Variants in CCDC178 observed in about 807,000 individuals in gnomAD.
CCDC178 encodes the protein coiled-coil domain-containing protein 178.
In CCDC178, 126 loss-of-function variants were observed where a neutral mutation model predicts 117.4. That is an observed-to-expected ratio of 1.07 (90% confidence interval 0.93 to 1.24). The LOEUF is 1.24. CCDC178 is among the 50% of genes most tolerant of loss of function. CCDC178 has a pLI of 0.00. For synonymous variants in CCDC178, 283 were observed against 313.4 expected, an observed-to-expected ratio of 0.90 and a Z score of 1.02; for missense variants, 1,030 against 986.9, an observed-to-expected ratio of 1.04 and a Z score of -0.59.
intron 20 of CCDC178, among the ~76,000 whole-genome samples, chr18:33,185,711 A>C (rs2058783925): frequency 6.6e-6 from 1 of 152,104 alleles, no homozygotes; most frequent in Non-Finnish European, 1.5e-5. Flanking sequence ...GGAAGTTCTG[A>C]TTTGGTACCA....
intron 11 of CCDC178, among the ~76,000 whole-genome samples, chr18:33,313,712 T>C (rs989538807): frequency 3.9e-5 from 6 of 152,132 alleles, no homozygotes; most frequent in Non-Finnish European, 8.8e-5. Flanking sequence ...CTTGCTATGT[T>C]AATAACCTTA....
chr18:33,365,368 G>A (rs902237534), intron 6 of CCDC178, among the ~76,000 whole-genome samples: 2 of 152,038 alleles, frequency 1.3e-5, no homozygotes, highest in African/African-American at 2.4e-5. Context: ...TCAAGGACAC[G>A]ATGTCATGGC....
chr18:33,227,552 GTGTGTA>G (rs1486025668), intron 15 of CCDC178, among the ~76,000 whole-genome samples: 7 of 71,166 alleles, frequency 9.8e-5, no homozygotes, highest in African/African-American at 2.9e-4. Flanking sequence ...GTGTGTGTGT[GTGTGTA>G]TATATATATA....
intron 12 of CCDC178, among the ~76,000 whole-genome samples, chr18:33,282,952 C>G (rs991962936): frequency 6.6e-6 from 1 of 152,150 alleles, no homozygotes; most frequent in Non-Finnish European, 1.5e-5. Context: ...AGCACTCTGG[C>G]CCCAAGCCAA....
intron 20 of CCDC178, among the ~76,000 whole-genome samples, chr18:33,176,945 T>G (rs927463789): frequency 6.6e-6 from 1 of 152,204 alleles, no homozygotes; most frequent in African/African-American, 2.4e-5. Context: ...TTTTCAACAA[T>G]AAACCTCTTC....
intron 20 of CCDC178, among the ~76,000 whole-genome samples, chr18:33,123,289 T>C (rs1292612961): frequency 6.6e-6 from 1 of 152,148 alleles, no homozygotes; most frequent in Admixed American, 6.6e-5. Flanking sequence ...AGACAAGTAA[T>C]ACTTTACAGA....
intron 21 of CCDC178, among the ~76,000 whole-genome samples, chr18:33,007,128 T>C (rs1208054817): frequency 6.6e-6 from 1 of 152,082 alleles, no homozygotes; most frequent in Non-Finnish European, 1.5e-5. Flanking sequence ...TATTATAAAC[T>C]ACTTCGGTAT....
At chr18:33,370,935 C>G (rs2063288734) in intron 5 of CCDC178, among the ~76,000 whole-genome samples, 1 of 151,978 alleles carries the variant, frequency 6.6e-6, no homozygotes. Flanking sequence ...CCTTTTGACT[C>G]TAAGGACTCT....
At chr18:33,050,362 T>A (rs2056725782) in intron 21 of CCDC178, among the ~76,000 whole-genome samples, 1 of 152,220 alleles carries the variant, frequency 6.6e-6, no homozygotes, top group East Asian at 1.9e-4. Context: ...AAATAATTTT[T>A]CATTAGTCTT....
At chr18:33,316,270 G>C (rs571421483) in intron 11 of CCDC178, among the ~76,000 whole-genome samples, 1 of 152,326 alleles carries the variant, frequency 6.6e-6, no homozygotes, top group East Asian at 1.9e-4. Flanking sequence ...CGGTGCTTGC[G>C]GGATAGCGCG....
At chr18:33,244,249 C>T (rs550676741) in intron 15 of CCDC178, among the ~76,000 whole-genome samples, 159 of 150,910 alleles carry the variant, frequency 1.1e-3, no homozygotes, top group African/African-American at 3.5e-3. Context: ...TTTTTTTTTG[C>T]TCATAAGTCT....
At chr18:33,414,315 A>C (rs2063901878) in intron 2 of CCDC178, among the ~76,000 whole-genome samples, 2 of 152,212 alleles carry the variant, frequency 1.3e-5, no homozygotes, top group Admixed American at 1.3e-4. Context: ...GAATCAGTAA[A>C]GCAAATTTAG....
At chr18:33,247,586 G>C (rs1384818003) in intron 14 of CCDC178, among the ~76,000 whole-genome samples, 1 of 151,802 alleles carries the variant, frequency 6.6e-6, no homozygotes, top group Non-Finnish European at 1.5e-5. Flanking sequence ...GTGTGTGCAA[G>C]CACACACAAT....
intron 2 of CCDC178, among the ~76,000 whole-genome samples, chr18:33,431,980 A>G (rs2064225566): frequency 6.6e-6 from 1 of 152,186 alleles, no homozygotes. Flanking sequence ...AGGCTATGGT[A>G]GCAGCAAAGG....
At chr18:33,254,743 AAGG>A (rs2059659165) in intron 14 of CCDC178, among the ~76,000 whole-genome samples, 1 of 152,054 alleles carries the variant, frequency 6.6e-6, no homozygotes, top group African/African-American at 2.4e-5. Flanking sequence ...GAGCAGATGG[AAGG>A]AGAAGGAGGA....
intron 11 of CCDC178, among the ~76,000 whole-genome samples, chr18:33,300,681 G>A (rs1477095724): frequency 6.6e-6 from 1 of 152,292 alleles, no homozygotes; most frequent in East Asian, 1.9e-4. Context: ...GGGATCTGTG[G>A]AAGTTTGAAC....
chr18:33,064,667 G>T (rs902239556), intron 21 of CCDC178, among the ~76,000 whole-genome samples: 3 of 152,152 alleles, frequency 2.0e-5, no homozygotes, highest in Admixed American at 6.5e-5. Context: ...TGGTACTCAA[G>T]AAATTAAAAT....
At chr18:33,142,964 T>C (rs2058225430) in intron 20 of CCDC178, among the ~76,000 whole-genome samples, 1 of 152,168 alleles carries the variant, frequency 6.6e-6, no homozygotes, top group Non-Finnish European at 1.5e-5. Flanking sequence ...AAAAGCATAA[T>C]ATATTTATCA....
chr18:33,279,115 C>A (rs2059989812), intron 12 of CCDC178, among the ~76,000 whole-genome samples: 1 of 152,012 alleles, frequency 6.6e-6, no homozygotes, highest in Non-Finnish European at 1.5e-5. Flanking sequence ...GGCAATGAGG[C>A]AGGAGAAGGA....
Sources: allele counts gnomAD v4.1 joint callset (sites outside exome capture counted in the v4.1 genomes callset), GRCh38; gene constraint gnomAD v4.1.1; transcripts MANE v1.5; gene names NCBI Gene and HGNC (gene_info 2026-07-23, HGNC 2026-07-21).